Variants in GPC6 observed in about 807,000 individuals in gnomAD.
GPC6 encodes the protein glypican 6, also known as glypican-6.
Under a neutral mutation model 55.2 loss-of-function variants are expected in GPC6, and 14 were observed. That is an observed-to-expected ratio of 0.25 (90% CI 0.17 to 0.40). GPC6 has a LOEUF of 0.40. Among genes scored for constraint, GPC6 ranks in the 10% least tolerant of loss-of-function variants. The probability of loss-of-function intolerance (pLI) is 1.00; values close to 1 mark genes in which losing one functional copy is unlikely to be tolerated. For missense variants in GPC6, 641 were observed against 708.5 expected (o/e 0.90, Z 1.08); for synonymous variants, 278 against 259.6 (o/e 1.07, Z -0.68).
At chr13:93,366,480 G>C (rs563058097) in intron 1 of GPC6, among the ~76,000 whole-genome samples, 16 of 152,114 alleles carry the variant, frequency 1.1e-4, no homozygotes, top group Non-Finnish European at 2.2e-4. Flanking sequence ...CTTCATTGCA[G>C]CTCAATTTCC....
At chr13:93,697,376 A>G (rs1882497699) in intron 2 of GPC6, among the ~76,000 whole-genome samples, 1 of 152,122 alleles carries the variant, frequency 6.6e-6, no homozygotes, top group South Asian at 2.1e-4. Flanking sequence ...CCTTCATAAA[A>G]TAGCCATGCA....
At chr13:94,264,809 A>C (rs1317500369) in intron 4 of GPC6, among the ~76,000 whole-genome samples, 1 of 152,226 alleles carries the variant, frequency 6.6e-6, no homozygotes, top group Non-Finnish European at 1.5e-5. Context: ...GGTTTAATAG[A>C]CTCACAGTTC....
intron 1 of GPC6, among the ~76,000 whole-genome samples, chr13:93,437,472 G>C (rs1213503326): frequency 6.6e-6 from 1 of 152,188 alleles, no homozygotes; most frequent in Non-Finnish European, 1.5e-5. Flanking sequence ...ACACACACAT[G>C]ATAAGAAAGT....
intron 1 of GPC6, among the ~76,000 whole-genome samples, chr13:93,442,236 G>C (rs994407339): frequency 2.0e-5 from 3 of 152,112 alleles, no homozygotes; most frequent in Non-Finnish European, 4.4e-5. Context: ...ATGAAAAGGA[G>C]TTTAGGAAGA....
In GPC6 at chr13:93,830,392, C is replaced by T; in HGVS notation, c.558C>T (p.Tyr186=). 2.5e-6 allele frequency: 4 copies of T among 1,613,800 alleles called. No homozygotes were observed. The highest frequency in any genetic ancestry group is 2.2e-5 in the South Asian group (2 of 91,066). The change falls in exon 3 of 9, where the codon TAC becomes TAT. Residue 186 remains tyrosine (Y), a synonymous_variant. Transcript: ENST00000377047. ...CTCAGTATCACTTCAGTGAAGACTACCTGGAATGTGTGAGCAAATACACTG... is the reference window on the plus strand; with the variant it reads ...CTCAGTATCACTTCAGTGAAGACTATCTGGAATGTGTGAGCAAATACACTG... ...INPQYHFSED[Y]LECVSKYTDQ... is the part of the protein sequence containing the mutation.
At position 93,227,485 on chromosome 13, in the gene GPC6, T is replaced by C; in HGVS notation, c.29T>C (p.Leu10Pro). MPSWIGAVI[L>P]PLLGLLLSLP... ...CCTTCTTGGATCGGGGCTGTGATTC[T>C]TCCCCTCTTGGGGCTGCTGCTCTCC... The change falls in exon 1 of 9, where the codon CTT (leucine) becomes CCT (proline). Residue 10 changes from leucine to proline, a missense_variant. By Grantham distance (98) the Leu-to-Pro change is moderately conservative (BLOSUM62 -3). Coordinates refer to ENST00000377047, the MANE Select transcript of GPC6 (RefSeq NM_005708.5). The surrounding 1 kb of genome is among the most constrained non-coding windows in gnomAD (Gnocchi z 4.3). 1 of 1,613,936 alleles carries C rather than the reference T, an allele frequency of 6.2e-7. No individual in the cohort carries two copies.
intron 1 of GPC6, among the ~76,000 whole-genome samples, chr13:93,505,307 G>C (rs1433206676): frequency 6.6e-6 from 1 of 152,092 alleles, no homozygotes; most frequent in Non-Finnish European, 1.5e-5. Flanking sequence ...TTGCTCCTGG[G>C]GGAAATACAT....
chr13:94,050,438 T>G (rs1245387369), intron 4 of GPC6, among the ~76,000 whole-genome samples: 2 of 152,174 alleles, frequency 1.3e-5, no homozygotes, highest in Non-Finnish European at 2.9e-5. Flanking sequence ...GTACTGTCCT[T>G]GTTATACATT....
intron 4 of GPC6, among the ~76,000 whole-genome samples, chr13:94,210,157 A>ATTT (rs11324733): frequency 1.5e-5 from 2 of 137,714 alleles, no homozygotes; most frequent in Non-Finnish European, 3.1e-5. Context: ...TGTATGTTTA[A>ATTT]TTTTTTTTTT....
intron 1 of GPC6, among the ~76,000 whole-genome samples, chr13:93,236,402 A>G (rs1876236127): frequency 6.6e-6 from 1 of 151,856 alleles, no homozygotes. Flanking sequence ...CCTACTTCTT[A>G]GTCTCCGGTG....
chr13:93,443,381 C>T (rs76981723), intron 1 of GPC6, among the ~76,000 whole-genome samples: 1,844 of 152,076 alleles, frequency 0.012, 47 homozygotes, highest in African/African-American at 0.042. Flanking sequence ...AGTAGCTGAA[C>T]GAGGAGTCTG....
At chr13:93,554,024 T>A (rs1875317208) in intron 2 of GPC6, among the ~76,000 whole-genome samples, 1 of 150,636 alleles carries the variant, frequency 6.6e-6, no homozygotes, top group African/African-American at 2.4e-5. Context: ...GGTGCAGGCC[T>A]GTAATCCCAG....
chr13:93,263,232 A>G (rs548231084), intron 1 of GPC6, among the ~76,000 whole-genome samples: 1 of 152,238 alleles, frequency 6.6e-6, no homozygotes, highest in South Asian at 2.1e-4. Flanking sequence ...CTTGGCCCAC[A>G]CCGTGGGTTT....
At chr13:94,002,519 T>A (rs1881849845) in intron 3 of GPC6, among the ~76,000 whole-genome samples, 1 of 152,170 alleles carries the variant, frequency 6.6e-6, no homozygotes, top group African/African-American at 2.4e-5. Context: ...CCACTTTTTC[T>A]TTGCCAGAAC....
At chr13:93,788,548 G>T (rs1885888861) in intron 2 of GPC6, among the ~76,000 whole-genome samples, 3 of 93,920 alleles carry the variant, frequency 3.2e-5, no homozygotes, top group Admixed American at 1.3e-4. Context: ...CACACACCTT[G>T]TCTGCTTGAC....
At chr13:94,044,594 A>G (rs1319695013) in intron 4 of GPC6, among the ~76,000 whole-genome samples, 1 of 151,890 alleles carries the variant, frequency 6.6e-6, no homozygotes, top group East Asian at 1.9e-4. Context: ...TGACTTAATG[A>G]ATGTGTATTT....
At chr13:93,973,541 T>TA (rs1406431076) in intron 3 of GPC6, among the ~76,000 whole-genome samples, 1 of 147,954 alleles carries the variant, frequency 6.8e-6, no homozygotes, top group African/African-American at 2.4e-5. Context: ...ATGATTTCTA[T>TA]AAAAAAATAA....
At chr13:93,318,842 T>C (rs1054552289) in intron 1 of GPC6, among the ~76,000 whole-genome samples, 7 of 152,266 alleles carry the variant, frequency 4.6e-5, no homozygotes, top group African/African-American at 1.7e-4. Flanking sequence ...CTTTGCTATA[T>C]GTTATAGTTT....
intron 1 of GPC6, among the ~76,000 whole-genome samples, chr13:93,463,519 T>C (rs927625829): frequency 2.6e-5 from 4 of 152,198 alleles, no homozygotes; most frequent in African/African-American, 9.7e-5. Flanking sequence ...CCCAGGTCTC[T>C]GCCATGTTTG....
Sources: gnomAD v4.1 joint callset for allele counts (sites outside exome capture counted in the v4.1 genomes callset) on GRCh38, gnomAD v4.1.1 for gene constraint, Gnocchi (gnomAD v3.1) non-coding constraint, MANE v1.5 for transcripts, NCBI Gene and HGNC (gene_info 2026-07-23, HGNC 2026-07-21) for gene names.